The following STAT3 variants were observed in gnomAD, a reference collection of about 807,000 sequenced individuals.
STAT3 encodes the protein signal transducer and activator of transcription 3.
A neutral mutation model predicts 114.3 loss-of-function variants in STAT3; 7 were observed. That is an observed-to-expected ratio of 0.06 (90% CI 0.03 to 0.11). The LOEUF (loss-of-function observed/expected upper bound fraction) is 0.11, where lower values mean the gene tolerates loss of function less well. Among genes scored for constraint, STAT3 ranks in the 10% least tolerant of loss-of-function variants. The pLI, the probability that STAT3 is intolerant of heterozygous loss-of-function variation, is 1.00. For synonymous variants in STAT3, 331 were observed against 354.5 expected, an observed-to-expected ratio of 0.93 and a Z score of 0.74; for missense variants, 364 against 960.9, an observed-to-expected ratio of 0.38 and a Z score of 8.21.
intron 1 of STAT3, among the ~76,000 whole-genome samples, chr17:42,365,943 C>T (rs1427153165): frequency 3.3e-5 from 5 of 152,020 alleles, no homozygotes; most frequent in Admixed American, 6.6e-5. Flanking sequence ...CATGAGCCAC[C>T]GTGCCCGGCC....
At chr17:42,323,987 G>A (rs2081593032) in intron 17 of STAT3, among the ~76,000 whole-genome samples, 1 of 152,172 alleles carries the variant, frequency 6.6e-6, no homozygotes, top group Admixed American at 6.6e-5. Context: ...GCTACTTCTA[G>A]CCCAGGTGGC....
intron 1 of STAT3, among the ~76,000 whole-genome samples, chr17:42,351,467 C>T (rs183216947): frequency 6.6e-6 from 1 of 152,204 alleles, no homozygotes; most frequent in Admixed American, 6.6e-5. Flanking sequence ...AACTCCTAGA[C>T]TCATGCATCT....
At chr17:42,330,122 CTTT>C in intron 11 of STAT3, among the ~76,000 whole-genome samples, 1 of 145,124 alleles carries the variant, frequency 6.9e-6, no homozygotes, top group African/African-American at 2.5e-5. Context: ...TTTCTTTTTT[CTTT>C]TTTTTTTTTT....
At chr17:42,360,059 C>CAAAAA (rs71157617) in intron 1 of STAT3, among the ~76,000 whole-genome samples, 6 of 47,464 alleles carry the variant, frequency 1.3e-4, no homozygotes, top group Admixed American at 2.9e-4. Context: ...GACTCCGTCT[C>CAAAAA]AAAAAAAAAA....
At chr17:42,375,685 C>T (rs567442410) in intron 1 of STAT3, among the ~76,000 whole-genome samples, 8 of 151,846 alleles carry the variant, frequency 5.3e-5, no homozygotes, top group South Asian at 4.2e-4. Flanking sequence ...CAAAACTAGA[C>T]GGGTGTGGTG....
At chr17:42,342,752 C>A (rs1323659603) in intron 4 of STAT3, among the ~76,000 whole-genome samples, 1 of 152,002 alleles carries the variant, frequency 6.6e-6, no homozygotes, top group African/African-American at 2.4e-5. Flanking sequence ...GCAGTTGGCC[C>A]CTTGTGGTAA....
At chr17:42,325,486 T>A (rs937709409) in intron 15 of STAT3, among the ~76,000 whole-genome samples, 6 of 152,184 alleles carry the variant, frequency 3.9e-5, no homozygotes, top group African/African-American at 1.4e-4. Flanking sequence ...AAGGAGAATG[T>A]CATTGCCACA....
rs201662429 is a variant in STAT3 at position 42,324,697 on chromosome 17, G to A, written c.1600+14C>T. On this transcript the variant is annotated intron_variant, in intron 17 of 23. Coordinates refer to ENST00000264657, the MANE Select transcript of STAT3 (RefSeq NM_139276.3). This position sits in a 1 kb window ranked among gnomAD's most constrained non-coding sequence, Gnocchi z 4.5. ...GGGCGGGTGGGCGGGAGGGAGAAGG[G>A]GTGAAATGCGGACCCAAGAGTTTCT... is the stretch of plus-strand genomic sequence containing the variant. 4.4e-6 allele frequency: 7 copies of A among 1,601,038 alleles called. No individual in the cohort carries two copies. In the East Asian group the frequency reaches 1.6e-4, roughly 36 times the overall value.
intron 1 of STAT3, among the ~76,000 whole-genome samples, chr17:42,368,444 T>C (rs2083922125): frequency 1.3e-5 from 2 of 152,158 alleles, no homozygotes; most frequent in African/African-American, 4.8e-5. Flanking sequence ...ATTCCCAAAG[T>C]GACAGGTTTT....
At chr17:42,360,063 A>AC in intron 1 of STAT3, among the ~76,000 whole-genome samples, 1 of 150,956 alleles carries the variant, frequency 6.6e-6, no homozygotes, top group Non-Finnish European at 1.5e-5. Context: ...CCGTCTCAAA[A>AC]AAAAAAAAAA....
chr17:42,342,116 G>T (rs553440520), intron 4 of STAT3, among the ~76,000 whole-genome samples: 1 of 152,134 alleles, frequency 6.6e-6, no homozygotes, highest in East Asian at 1.9e-4. Flanking sequence ...AACCTCTTGG[G>T]CTACAGGGCA....
intron 1 of STAT3, among the ~76,000 whole-genome samples, chr17:42,353,999 T>C (rs1485786921): frequency 2.0e-5 from 3 of 152,118 alleles, no homozygotes; most frequent in Non-Finnish European, 4.4e-5. Flanking sequence ...AGATTAACAC[T>C]GGGGTCATGC....
chr17:42,326,066 C>T (rs1200530624), intron 15 of STAT3, 50 bp downstream of exon 15: 2 of 1,539,670 alleles, frequency 1.3e-6, no homozygotes, highest in African/African-American at 2.7e-5. Context: ...AGTTTTTGTC[C>T]TGAGTCACCC....
chr17:42,331,084 A>G (rs1490269258), intron 11 of STAT3, among the ~76,000 whole-genome samples: 1 of 152,194 alleles, frequency 6.6e-6, no homozygotes, highest in Non-Finnish European at 1.5e-5. Flanking sequence ...TCTGCCACCC[A>G]GGTTTGTGTA....
At chr17:42,388,164 C>T (rs1163700333) in intron 1 of STAT3, 115 bp downstream of exon 1, 15 of 1,164,698 alleles carry the variant, frequency 1.3e-5, no homozygotes, top group Non-Finnish European at 1.5e-5. Flanking sequence ...TTCATCTCTC[C>T]CGGCCCCACT....
chr17:42,345,766 A>G, intron 3 of STAT3, 109 bp from the exon 4 acceptor site: 1 of 1,116,406 alleles, frequency 9.0e-7, no homozygotes, highest in East Asian at 2.6e-5. Context: ...CATTTATTCT[A>G]GGAAACAACG....
chr17:42,376,299 T>C (rs527322636), intron 1 of STAT3, among the ~76,000 whole-genome samples: 20 of 152,212 alleles, frequency 1.3e-4, no homozygotes, highest in Admixed American at 1.2e-3. Context: ...AGAGTAAAAA[T>C]CAGAATTTGA....
intron 21 of STAT3, among the ~76,000 whole-genome samples, chr17:42,318,610 G>A (rs2081343661): frequency 6.6e-6 from 1 of 152,128 alleles, no homozygotes; most frequent in Admixed American, 6.5e-5. Context: ...AGGAACCTTG[G>A]GGATACTGGC....
At chr17:42,348,278 C>A in intron 2 of STAT3, 111 bp downstream of exon 2, 1 of 1,479,770 alleles carries the variant, frequency 6.8e-7, no homozygotes, top group Non-Finnish European at 9.4e-7. Flanking sequence ...TTCCCCATCA[C>A]CTGTACCCAT....
Sources: gnomAD v4.1 joint callset for allele counts (sites outside exome capture counted in the v4.1 genomes callset) on GRCh38, gnomAD v4.1.1 for gene constraint, Gnocchi (gnomAD v3.1) non-coding constraint, MANE v1.5 for transcripts, NCBI Gene and HGNC (gene_info 2026-07-23, HGNC 2026-07-21) for gene names.